UBE3D: variants seen among roughly 807,000 people sequenced by gnomAD.
The protein encoded by UBE3D is E3 ubiquitin-protein ligase E3D.
UBE3D carries 48 observed loss-of-function variants against 49.6 expected under a neutral mutation model. That is an observed-to-expected ratio of 0.97 (90% CI 0.77 to 1.23). The LOEUF (loss-of-function observed/expected upper bound fraction) is 1.23. UBE3D is among the 50% of genes most tolerant of loss of function. UBE3D has a pLI of 0.00. For synonymous variants in UBE3D, 189 were observed against 174.2 expected, an observed-to-expected ratio of 1.08 and a Z score of -0.67; for missense variants, 452 against 468.4, an observed-to-expected ratio of 0.96 and a Z score of 0.32.
chr6:82,943,288 CT>C (rs1316034387), intron 9 of UBE3D, among the ~76,000 whole-genome samples: 2 of 151,926 alleles, frequency 1.3e-5, no homozygotes, highest in East Asian at 3.9e-4. Flanking sequence ...CACTGTCCCC[CT>C]GACAGGGAAA....
chr6:83,028,005 G>A (rs1237784422), intron 5 of UBE3D, among the ~76,000 whole-genome samples: 2 of 151,946 alleles, frequency 1.3e-5, no homozygotes, highest in East Asian at 1.9e-4. Context: ...TCTTTTGCTC[G>A]TTAATTCTCT....
intron 8 of UBE3D, among the ~76,000 whole-genome samples, chr6:82,976,363 A>G (rs2127712895): frequency 6.6e-6 from 1 of 152,306 alleles, no homozygotes; most frequent in South Asian, 2.1e-4. Context: ...CCAAAATTAA[A>G]ATATTCTATT....
intron 5 of UBE3D, among the ~76,000 whole-genome samples, chr6:83,031,447 A>G (rs553052061): frequency 2.6e-5 from 4 of 152,344 alleles, no homozygotes; most frequent in African/African-American, 9.6e-5. Flanking sequence ...TGCATCTTGC[A>G]TCAGCGTGAC....
At chr6:82,920,975 C>T (rs897188534) in intron 9 of UBE3D, among the ~76,000 whole-genome samples, 7 of 138,186 alleles carry the variant, frequency 5.1e-5, no homozygotes, top group Non-Finnish European at 1.1e-4. Context: ...CAGCGTCTTG[C>T]TGTGTTGCCC....
At chr6:82,902,623 G>T (rs1771820258) in intron 9 of UBE3D, among the ~76,000 whole-genome samples, 1 of 152,168 alleles carries the variant, frequency 6.6e-6, no homozygotes, top group Non-Finnish European at 1.5e-5. Context: ...TGTTGGAGAG[G>T]GGAGAGAGGG....
intron 1 of UBE3D, chr6:83,063,194 C>A: frequency 3.6e-6 from 1 of 278,728 alleles, no homozygotes. Flanking sequence ...GGGTGGATCG[C>A]TTGAGTCCAG....
intron 8 of UBE3D, among the ~76,000 whole-genome samples, chr6:83,012,540 CTGAGAA>C (rs1271892281): frequency 6.6e-6 from 1 of 152,164 alleles, no homozygotes; most frequent in Non-Finnish European, 1.5e-5. Flanking sequence ...GGGAAAGAGG[CTGAGAA>C]TGAGTTGTCC....
chr6:82,896,755 T>G (rs1771348710), intron 9 of UBE3D, among the ~76,000 whole-genome samples: 1 of 152,034 alleles, frequency 6.6e-6, no homozygotes, highest in African/African-American at 2.4e-5. Flanking sequence ...TTTCTTTTTT[T>G]TTTTGAGAGA....
At chr6:82,953,358 CTCT>C (rs1775934311) in intron 9 of UBE3D, among the ~76,000 whole-genome samples, 1 of 152,208 alleles carries the variant, frequency 6.6e-6, no homozygotes, top group Non-Finnish European at 1.5e-5. Context: ...AAGGGCTGAA[CTCT>C]TCTTCGAGTT....
At chr6:82,979,410 CAT>C (rs2127716932) in intron 8 of UBE3D, among the ~76,000 whole-genome samples, 1 of 152,256 alleles carries the variant, frequency 6.6e-6, no homozygotes, top group Admixed American at 6.5e-5. Flanking sequence ...ACATTCCTAA[CAT>C]GTGGCTCTCT....
chr6:83,009,011 A>C (rs1449351968), intron 8 of UBE3D, among the ~76,000 whole-genome samples: 1 of 152,232 alleles, frequency 6.6e-6, no homozygotes, highest in African/African-American at 2.4e-5. Context: ...ATACAAGAGA[A>C]CACATATGAC....
At chr6:83,036,076 T>C (rs759055649) in intron 5 of UBE3D, 5 of 138,208 alleles carry the variant, frequency 3.6e-5, no homozygotes, top group Non-Finnish European at 7.5e-5. Flanking sequence ...CAGGCTGGAG[T>C]GCAGTGGCAC....
intron 9 of UBE3D, among the ~76,000 whole-genome samples, chr6:82,918,408 G>C (rs1474937531): frequency 6.6e-6 from 1 of 152,036 alleles, no homozygotes; most frequent in African/African-American, 2.4e-5. Flanking sequence ...AAGGTACAAG[G>C]TTTCTAAAGT....
downstream of UBE3D, among the ~76,000 whole-genome samples, chr6:82,887,969 A>G (rs1303882924): frequency 6.6e-6 from 1 of 152,142 alleles, no homozygotes; most frequent in African/African-American, 2.4e-5. Flanking sequence ...AGAGGGGAAG[A>G]GGGTGTGGGA....
intron 8 of UBE3D, among the ~76,000 whole-genome samples, chr6:82,972,033 C>T (rs146737512): frequency 5.9e-5 from 9 of 152,232 alleles, no homozygotes; most frequent in African/African-American, 2.2e-4. Context: ...GGTGAAACCA[C>T]ATCTGGTTTC....
At chr6:83,032,112 G>A (rs1781919311) in intron 5 of UBE3D, 1 of 446,170 alleles carries the variant, frequency 2.2e-6, no homozygotes, top group South Asian at 1.6e-5. Flanking sequence ...CTGCCTGGTG[G>A]AGCTGTGAGA....
intron 8 of UBE3D, among the ~76,000 whole-genome samples, chr6:82,995,250 G>A (rs13212217): frequency 3.4e-4 from 52 of 152,274 alleles, no homozygotes; most frequent in Admixed American, 1.6e-3. Context: ...TGCTTAACAG[G>A]TGTGTTCATT....
Position 83,019,096 on chromosome 6 carries a change from A to T in UBE3D, c.887T>A (p.Leu296Ter). 1 of 1,613,816 alleles carries T rather than the reference A, an allele frequency of 6.2e-7. No homozygotes were observed. Among genetic ancestry groups the T allele is most frequent in the Non-Finnish European group, 8.5e-7 (1 of 1,179,880 alleles). Residue 296 changes from leucine to a stop codon, truncating the protein, a stop_gained, in exon 8 of 10, where the codon TTG becomes TAG. Transcript: ENST00000369747. LOFTEE classifies it high-confidence loss of function. ...TTTTTTGATATATTTGGAATTTCTC[A>T]AAGATTCAATCACCAAACTGTCTGA... ...LNSDSLVIESLRNSKYIKKFP... is the reference protein window; with the variant it reads ...LNSDSLVIES
chr6:82,968,919 G>T (rs1416322684), intron 8 of UBE3D, among the ~76,000 whole-genome samples: 1 of 152,058 alleles, frequency 6.6e-6, no homozygotes, highest in Non-Finnish European at 1.5e-5. Flanking sequence ...ACAACTTCAG[G>T]AATGCCATCA....
Sources: allele counts gnomAD v4.1 joint callset (sites outside exome capture counted in the v4.1 genomes callset), GRCh38; gene constraint gnomAD v4.1.1; transcripts MANE v1.5; gene names NCBI Gene and HGNC (gene_info 2026-07-23, HGNC 2026-07-21).